CACNA1E: variants seen among roughly 807,000 people sequenced by gnomAD.
The protein encoded by CACNA1E is calcium voltage-gated channel subunit alpha1 E, also known as voltage-dependent R-type calcium channel subunit alpha-1E.
CACNA1E carries 40 observed loss-of-function variants against 259.2 expected under a neutral mutation model. The ratio of observed to expected loss-of-function variants is 0.15; its 90% confidence interval spans 0.12 to 0.20. The LOEUF (loss-of-function observed/expected upper bound fraction) is 0.20, where lower values mean the gene tolerates loss of function less well. Ranked by LOEUF, CACNA1E falls within the 10% of genes least tolerant of loss-of-function variation. The probability of loss-of-function intolerance (pLI) is 1.00; values close to 1 mark genes in which losing one functional copy is unlikely to be tolerated. For missense variants in CACNA1E, 1,874 were observed against 3,040.1 expected (o/e 0.62, Z 9.02); for synonymous variants, 1,104 against 1,138.5 (o/e 0.97, Z 0.61).
chr1:181,550,767 G>A (rs1260914693), intron 3 of CACNA1E, among the ~76,000 whole-genome samples: 1 of 151,518 alleles, frequency 6.6e-6, no homozygotes. Flanking sequence ...AATCATGATT[G>A]TTCCGTGTCT....
chr1:181,607,852 G>A (rs1654379466), intron 6 of CACNA1E, among the ~76,000 whole-genome samples: 1 of 152,288 alleles, frequency 6.6e-6, no homozygotes, highest in Middle Eastern at 3.4e-3. Flanking sequence ...ATCCTGGCAG[G>A]AAATGGAAGG....
chr1:181,321,060 A>G (rs1650303954), intron 1 of CACNA1E, among the ~76,000 whole-genome samples: 2 of 152,176 alleles, frequency 1.3e-5, no homozygotes, highest in Non-Finnish European at 2.9e-5. Flanking sequence ...GAGAAGCAAG[A>G]GAGAAGCAAG....
intron 1 of CACNA1E, among the ~76,000 whole-genome samples, chr1:181,329,295 C>G (rs1159340893): frequency 6.6e-6 from 1 of 152,154 alleles, no homozygotes; most frequent in Non-Finnish European, 1.5e-5. Flanking sequence ...GCCTCCTAAC[C>G]AATCTCTCCA....
intron 3 of CACNA1E, among the ~76,000 whole-genome samples, chr1:181,527,826 G>A (rs895691278): frequency 5.9e-5 from 9 of 152,050 alleles, no homozygotes; most frequent in African/African-American, 2.2e-4. Context: ...TTCCTCTTTT[G>A]AGAGAATATA....
intron 33 of CACNA1E, among the ~76,000 whole-genome samples, chr1:181,763,133 G>A (rs536723133): frequency 1.3e-5 from 2 of 152,160 alleles, no homozygotes; most frequent in South Asian, 4.1e-4. Flanking sequence ...CAGACTTCAG[G>A]CCACTCAGTA....
At chr1:181,712,978 T>C (rs1653530147) in intron 8 of CACNA1E, among the ~76,000 whole-genome samples, 1 of 152,180 alleles carries the variant, frequency 6.6e-6, no homozygotes, top group African/African-American at 2.4e-5. Context: ...TCTCTCCTCC[T>C]TCTAAGAAAA....
intron 1 of CACNA1E, among the ~76,000 whole-genome samples, chr1:181,338,756 C>G (rs1421865938): frequency 6.6e-6 from 1 of 152,000 alleles, no homozygotes; most frequent in Admixed American, 6.6e-5. Context: ...AAGAGCTTTT[C>G]CCTTATTTCT....
At chr1:181,675,586 T>C (rs949293858) in intron 7 of CACNA1E, among the ~76,000 whole-genome samples, 5 of 151,944 alleles carry the variant, frequency 3.3e-5, no homozygotes, top group African/African-American at 1.2e-4. Context: ...CATAATGAGC[T>C]CCAAAAGTGG....
chr1:181,321,976 G>A (rs770606122), intron 1 of CACNA1E, among the ~76,000 whole-genome samples: 4 of 152,200 alleles, frequency 2.6e-5, no homozygotes, highest in Admixed American at 6.5e-5. Context: ...GCAGAACCAC[G>A]CCTTTTCTCT....
chr1:181,790,892 T>C (rs1362556383), intron 44 of CACNA1E, among the ~76,000 whole-genome samples: 1 of 152,208 alleles, frequency 6.6e-6, no homozygotes, highest in Non-Finnish European at 1.5e-5. Context: ...TGAAGATGCA[T>C]CACCAGAGAA....
intron 1 of CACNA1E, among the ~76,000 whole-genome samples, chr1:181,340,760 G>A (rs2102631223): frequency 6.6e-6 from 1 of 152,212 alleles, no homozygotes; most frequent in South Asian, 2.1e-4. Context: ...AGGATGTTAT[G>A]AGTGTCCCTC....
intron 16 of CACNA1E, among the ~76,000 whole-genome samples, chr1:181,722,518 C>A (rs188518525): frequency 6.6e-6 from 1 of 152,274 alleles, no homozygotes; most frequent in East Asian, 1.9e-4. Flanking sequence ...AGGTTTTAAT[C>A]CCAGCAACTC....
At chr1:181,369,254 C>T (rs1654511458) in intron 1 of CACNA1E, among the ~76,000 whole-genome samples, 1 of 152,176 alleles carries the variant, frequency 6.6e-6, no homozygotes, top group Non-Finnish European at 1.5e-5. Flanking sequence ...GTACAAAATT[C>T]AGTGTGGAGA....
chr1:181,552,482 A>G (rs1464348426), intron 3 of CACNA1E, among the ~76,000 whole-genome samples: 1 of 151,608 alleles, frequency 6.6e-6, no homozygotes, highest in Admixed American at 6.6e-5. Context: ...TACTTGTCTA[A>G]CCAATTAATC....
intron 7 of CACNA1E, among the ~76,000 whole-genome samples, chr1:181,700,136 G>A (rs1652089281): frequency 6.6e-6 from 1 of 152,164 alleles, no homozygotes; most frequent in Non-Finnish European, 1.5e-5. Flanking sequence ...TCTAGAGGAG[G>A]AGTGAAGGAG....
intron 6 of CACNA1E, among the ~76,000 whole-genome samples, chr1:181,626,146 A>T (rs1656177616): frequency 6.6e-6 from 1 of 152,208 alleles, no homozygotes; most frequent in South Asian, 2.1e-4. Context: ...CTGATCACAA[A>T]TCACCATGAC....
intron 3 of CACNA1E, among the ~76,000 whole-genome samples, chr1:181,567,966 C>T (rs1042535651): frequency 1.3e-5 from 2 of 151,618 alleles, no homozygotes; most frequent in African/African-American, 4.9e-5. Flanking sequence ...CATATATATA[C>T]ACACACACAC....
At chr1:181,600,941 A>G (rs1363604349) in intron 6 of CACNA1E, among the ~76,000 whole-genome samples, 1 of 152,194 alleles carries the variant, frequency 6.6e-6, no homozygotes, top group Non-Finnish European at 1.5e-5. Flanking sequence ...AGAAACTACA[A>G]CTTAATGTCT....
chr1:181,527,934 T>G (rs1448559475), intron 3 of CACNA1E, among the ~76,000 whole-genome samples: 1 of 146,712 alleles, frequency 6.8e-6, no homozygotes, highest in Non-Finnish European at 1.5e-5. Context: ...TTCATTTTTC[T>G]TCTTACTTCT....
Sources: allele counts gnomAD v4.1 joint callset (sites outside exome capture counted in the v4.1 genomes callset), GRCh38; gene constraint gnomAD v4.1.1; transcripts MANE v1.5; gene names NCBI Gene and HGNC (gene_info 2026-07-23, HGNC 2026-07-21).